Variants in CSMD1 observed in about 807,000 individuals in gnomAD.
CSMD1 encodes the protein CUB and sushi domain-containing protein 1.
In CSMD1, 213 loss-of-function variants were observed where a neutral mutation model predicts 417.5. The ratio of observed to expected loss-of-function variants is 0.51; its 90% CI spans 0.46 to 0.57. The LOEUF is 0.57. Among genes scored for constraint, CSMD1 ranks in the 20% least tolerant of loss-of-function variants. The pLI, the probability that CSMD1 is intolerant of heterozygous loss-of-function variation, is 0.00. For missense variants in CSMD1, 6,923 were observed against 4,529.7 expected (o/e 1.53, Z -15.17); for synonymous variants, 2,862 against 1,736.8 (o/e 1.65, Z -16.11).
chr8:4,687,272 G>C (rs770069343), intron 1 of CSMD1, among the ~76,000 whole-genome samples: 3 of 152,186 alleles, frequency 2.0e-5, no homozygotes, highest in Non-Finnish European at 4.4e-5. Context: ...AGATGAAGGA[G>C]GACAAGGAGC....
At chr8:3,029,827 T>C (rs1810221922) in intron 50 of CSMD1, among the ~76,000 whole-genome samples, 1 of 152,034 alleles carries the variant, frequency 6.6e-6, no homozygotes, top group African/African-American at 2.4e-5. Context: ...ATGAGGGTAA[T>C]GAGCATATGC....
intron 5 of CSMD1, among the ~76,000 whole-genome samples, chr8:3,831,248 G>C (rs565591408): frequency 2.6e-5 from 4 of 152,276 alleles, no homozygotes; most frequent in African/African-American, 4.8e-5. Context: ...AGTTTTGAGA[G>C]AATACTGCTC....
At chr8:4,466,770 T>A (rs1585124874) in intron 2 of CSMD1, among the ~76,000 whole-genome samples, 1 of 152,148 alleles carries the variant, frequency 6.6e-6, no homozygotes, top group East Asian at 1.9e-4. Context: ...AATTATAATA[T>A]GAGAATACCA....
intron 2 of CSMD1, among the ~76,000 whole-genome samples, chr8:4,441,725 A>C (rs973026385): frequency 3.9e-5 from 6 of 152,184 alleles, no homozygotes; most frequent in African/African-American, 1.4e-4. Flanking sequence ...ACAGGAGATA[A>C]ATGAAAATTT....
chr8:3,265,643 A>G (rs1309105469), intron 26 of CSMD1, among the ~76,000 whole-genome samples: 1 of 152,230 alleles, frequency 6.6e-6, no homozygotes, highest in Non-Finnish European at 1.5e-5. Context: ...GGAGAAGCCC[A>G]GTGCTGGCCA....
chr8:4,440,596 T>C lies in CSMD1; in HGVS notation c.303-20531A>G, dbSNP rs559184867. ...AAGATGCAAAACCAACTTTAGCATT[T>C]TCTCTGGAAAGATAGGTAGTACCAT... On this transcript the variant is annotated intron_variant, in intron 2 of 69. Coordinates refer to ENST00000635120, the MANE Select transcript of CSMD1 (RefSeq NM_033225.6). 7.9e-5 allele frequency among the ~76,000 whole-genome samples: 12 copies of C among 152,350 alleles called. No individual in the cohort carries two copies. In the East Asian group the frequency reaches 2.3e-3, roughly 29 times the overall value.
intron 68 of CSMD1, among the ~76,000 whole-genome samples, chr8:2,943,976 C>G (rs1362111230): frequency 6.6e-6 from 1 of 152,076 alleles, no homozygotes; most frequent in African/African-American, 2.4e-5. Flanking sequence ...GTATCAACAC[C>G]CTTTAATTTT....
rs906426623 is a variant in CSMD1, at chr8:4,489,861, C to A, written c.303-69796G>T. Among the ~76,000 whole-genome samples the A allele has an allele frequency of 2.0e-5, 3 of 152,096 alleles. No individual in the cohort carries two copies. In the South Asian group the frequency reaches 6.2e-4, roughly 32 times the overall value. On this transcript the variant is annotated intron_variant, in intron 2 of 69. Transcript: ENST00000635120. Reference sequence around the variant, plus strand: ...GCCTTGTGAGGTCGTAAGCAGGGTGCCCAGCCATGCCTTGCCCAGACTACG... The same window carrying A: ...GCCTTGTGAGGTCGTAAGCAGGGTGACCAGCCATGCCTTGCCCAGACTACG...
intron 3 of CSMD1, among the ~76,000 whole-genome samples, chr8:4,362,983 C>T (rs951923045): frequency 3.3e-5 from 5 of 152,176 alleles, no homozygotes; most frequent in African/African-American, 9.7e-5. Context: ...TATCAACAAA[C>T]ATCTCAGTAG....
chr8:2,973,635 T>C (rs1394397922), intron 56 of CSMD1, among the ~76,000 whole-genome samples: 2 of 142,620 alleles, frequency 1.4e-5, no homozygotes, highest in Non-Finnish European at 1.5e-5. Context: ...AAAAGGAAAA[T>C]GGGGCTTTAG....
intron 1 of CSMD1, among the ~76,000 whole-genome samples, chr8:4,926,315 A>G (rs1806869696): frequency 6.6e-6 from 1 of 152,144 alleles, no homozygotes; most frequent in African/African-American, 2.4e-5. Flanking sequence ...GAAGAAATAA[A>G]ACACCTATAA....
intron 9 of CSMD1, among the ~76,000 whole-genome samples, chr8:3,577,911 A>C (rs1476846930): frequency 1.3e-5 from 2 of 152,178 alleles, no homozygotes; most frequent in Non-Finnish European, 2.9e-5. Flanking sequence ...TCAGCCGTGC[A>C]TGTGTAGAGA....
chr8:4,870,273 T>A (rs1802659846), intron 1 of CSMD1, among the ~76,000 whole-genome samples: 1 of 152,142 alleles, frequency 6.6e-6, no homozygotes, highest in Non-Finnish European at 1.5e-5. Context: ...CCTCTATAAC[T>A]TTTTATATAT....
intron 3 of CSMD1, among the ~76,000 whole-genome samples, chr8:4,045,010 G>C (rs1325895791): frequency 2.0e-5 from 3 of 152,220 alleles, no homozygotes; most frequent in African/African-American, 7.2e-5. Context: ...TAATTACAAT[G>C]TTATGCCTGA....
At chr8:4,465,037 G>A (rs1800078548) in intron 2 of CSMD1, among the ~76,000 whole-genome samples, 1 of 152,080 alleles carries the variant, frequency 6.6e-6, no homozygotes, top group Non-Finnish European at 1.5e-5. Context: ...AGGAAAAAAG[G>A]GAAACACAAC....
chr8:3,034,227 G>A (rs1242893480), intron 50 of CSMD1, among the ~76,000 whole-genome samples: 2 of 152,210 alleles, frequency 1.3e-5, no homozygotes, highest in African/African-American at 4.8e-5. Context: ...AAGATTTGAT[G>A]TGGTTTCTGG....
At chr8:4,882,359 T>C (rs923023823) in intron 1 of CSMD1, among the ~76,000 whole-genome samples, 4 of 151,732 alleles carry the variant, frequency 2.6e-5, no homozygotes, top group Admixed American at 6.6e-5. Flanking sequence ...GCTTGGGCAA[T>C]GGGGAGTACC....
chr8:4,258,749 C>T (rs964888078), intron 3 of CSMD1, among the ~76,000 whole-genome samples: 1 of 152,016 alleles, frequency 6.6e-6, no homozygotes, highest in South Asian at 2.1e-4. Flanking sequence ...AGGACACAGA[C>T]ATTTAGTCCT....
In CSMD1 at chr8:2,963,371, G is replaced by A. The variant is rs984147998; in HGVS notation, c.9305C>T (p.Pro3102Leu). The change falls in exon 60 of 70, where the codon CCG (proline) becomes CTG (leucine). Residue 3102 changes from proline (P) to leucine (L), a missense_variant. By Grantham distance (98) the Pro-to-Leu change is moderately conservative. Transcript: ENST00000635120. ...CKAVLCPQPPPVQNGTVEGSD... is the reference protein window; with the variant it reads ...CKAVLCPQPPLVQNGTVEGSD... ...TCCCTCCACTGTTCCATTCTGCACC[G>A]GCGGCGGCTGAGGACACAGCACGGC... 18 of 1,613,754 alleles carry A rather than the reference G, an allele frequency of 1.1e-5. No homozygotes were observed. The highest frequency in any genetic ancestry group is 1.5e-5 in the Non-Finnish European group (18 of 1,179,836).
Sources: allele counts gnomAD v4.1 joint callset (sites outside exome capture counted in the v4.1 genomes callset), GRCh38; gene constraint gnomAD v4.1.1; transcripts MANE v1.5; gene names NCBI Gene and HGNC (gene_info 2026-07-23, HGNC 2026-07-21).